Variants in KLHL1 observed in about 807,000 individuals in gnomAD.
The protein encoded by KLHL1 is kelch-like protein 1.
KLHL1 carries 47 observed loss-of-function variants against 77.7 expected under a neutral mutation model. That is an observed-to-expected ratio of 0.60 (90% CI 0.48 to 0.77). The LOEUF is 0.77. Ranked by LOEUF, KLHL1 falls within the 30% of genes least tolerant of loss-of-function variation. KLHL1 has a pLI of 0.00. For missense variants in KLHL1, 925 were observed against 910.8 expected, an observed-to-expected ratio of 1.02 and a Z score of -0.20; for synonymous variants, 360 against 325.2, an observed-to-expected ratio of 1.11 and a Z score of -1.15.
At chr13:69,926,478 T>C (rs1380609813) in intron 4 of KLHL1, among the ~76,000 whole-genome samples, 2 of 152,128 alleles carry the variant, frequency 1.3e-5, no homozygotes, top group Non-Finnish European at 2.9e-5. Context: ...ACATCTCATG[T>C]CCATAGATCA....
intron 6 of KLHL1, among the ~76,000 whole-genome samples, chr13:69,811,407 AG>A (rs113967391): frequency 6.6e-5 from 10 of 151,880 alleles, no homozygotes; most frequent in African/African-American, 2.4e-4. Flanking sequence ...AAAAAAAAAA[AG>A]CATTAGATAA....
At chr13:69,855,355 GAT>G (rs1566329794) in intron 5 of KLHL1, among the ~76,000 whole-genome samples, 212 of 144,972 alleles carry the variant, frequency 1.5e-3, no homozygotes, top group African/African-American at 4.1e-3. Flanking sequence ...TAGACAGACA[GAT>G]AGATACATAG....
At chr13:69,781,059 A>G (rs933881922) in intron 7 of KLHL1, among the ~76,000 whole-genome samples, 5 of 151,148 alleles carry the variant, frequency 3.3e-5, no homozygotes, top group African/African-American at 7.3e-5. Flanking sequence ...CTTCTAAGCA[A>G]TGAGGATGAA....
At chr13:69,709,937 C>T (rs1875802582) in intron 9 of KLHL1, among the ~76,000 whole-genome samples, 1 of 151,722 alleles carries the variant, frequency 6.6e-6, no homozygotes, top group Admixed American at 6.6e-5. Context: ...ATTTTGTCAC[C>T]ATCCTGTCAC....
intron 6 of KLHL1, among the ~76,000 whole-genome samples, chr13:69,812,096 T>C (rs548517010): frequency 6.6e-6 from 1 of 152,186 alleles, no homozygotes; most frequent in African/African-American, 2.4e-5. Flanking sequence ...GATTCTGGTA[T>C]GTTGTGTCTT....
At chr13:69,830,739 A>G (rs1380961215) in intron 6 of KLHL1, among the ~76,000 whole-genome samples, 1 of 150,190 alleles carries the variant, frequency 6.7e-6, no homozygotes, top group Admixed American at 6.7e-5. Flanking sequence ...CTGAAATTAT[A>G]TCAAGTACTC....
chr13:69,982,250 A>G (rs538109342), intron 1 of KLHL1, among the ~76,000 whole-genome samples: 10 of 151,912 alleles, frequency 6.6e-5, no homozygotes, highest in Non-Finnish European at 1.3e-4. Flanking sequence ...CCTGGGCAAC[A>G]CGGTGAAACC....
chr13:69,954,342 C>A (rs1010984966), intron 3 of KLHL1, among the ~76,000 whole-genome samples: 1 of 151,144 alleles, frequency 6.6e-6, no homozygotes, highest in Non-Finnish European at 1.5e-5. Flanking sequence ...TATAGTGAAC[C>A]TTATGATTAA....
chr13:70,051,689 C>A (rs7317329), intron 1 of KLHL1, among the ~76,000 whole-genome samples: 140,072 of 151,978 alleles, frequency 0.92, 65,416 homozygotes, highest in East Asian at 1. Flanking sequence ...GCTGCAGGAA[C>A]ATTACTAAGA....
intron 7 of KLHL1, among the ~76,000 whole-genome samples, chr13:69,795,267 T>C (rs1362561192): frequency 6.6e-6 from 1 of 152,206 alleles, no homozygotes; most frequent in Non-Finnish European, 1.5e-5. Flanking sequence ...CATCAATCTG[T>C]GTATATTTAA....
chr13:69,814,872 G>A (rs766847554), intron 6 of KLHL1, among the ~76,000 whole-genome samples: 16 of 151,976 alleles, frequency 1.1e-4, no homozygotes, highest in South Asian at 4.2e-4. Context: ...TTAGCTGGGC[G>A]TGGTGGGGTG....
intron 1 of KLHL1, among the ~76,000 whole-genome samples, chr13:70,101,166 T>C (rs1240601901): frequency 6.6e-6 from 1 of 152,124 alleles, no homozygotes; most frequent in African/African-American, 2.4e-5. Flanking sequence ...TATGTAGGCT[T>C]TCTTTATTTT....
chr13:69,781,424 A>C (rs1876202428), intron 7 of KLHL1, among the ~76,000 whole-genome samples: 1 of 151,714 alleles, frequency 6.6e-6, no homozygotes. Context: ...TAGCTTGACT[A>C]GGAAGTAAGT....
At chr13:70,102,219 T>C (rs1349520832) in intron 1 of KLHL1, among the ~76,000 whole-genome samples, 2 of 152,178 alleles carry the variant, frequency 1.3e-5, no homozygotes, top group Admixed American at 6.5e-5. Context: ...GTGTGCTCTC[T>C]TTCAGTGACA....
intron 9 of KLHL1, among the ~76,000 whole-genome samples, chr13:69,713,721 T>G (rs919096798): frequency 6.6e-6 from 1 of 152,222 alleles, no homozygotes; most frequent in African/African-American, 2.4e-5. Context: ...TTTTTCATAT[T>G]TTAGTTTATA....
Position 70,090,729 on chromosome 13 carries a change from A to G in KLHL1, c.497+16474T>C, listed in dbSNP as rs547632592. 2.6e-5 allele frequency among the ~76,000 whole-genome samples: 4 copies of G among 152,232 alleles called. No homozygotes were observed. In the South Asian group the frequency reaches 8.3e-4, roughly 32 times the overall value. On this transcript the variant is annotated intron_variant, in intron 1 of 10. Transcript: ENST00000377844. ...ATTATAAAGCAATCACATAACTACA[A>G]CTTAAGCAAACCAAGCAGATTACTG...
chr13:69,923,230 A>T (rs935194146), intron 4 of KLHL1, among the ~76,000 whole-genome samples: 1 of 152,220 alleles, frequency 6.6e-6, no homozygotes, highest in African/African-American at 2.4e-5. Context: ...ATAGTTCATT[A>T]ACGTTAAATA....
intron 1 of KLHL1, among the ~76,000 whole-genome samples, chr13:70,037,978 A>C (rs1364692645): frequency 1.3e-5 from 2 of 151,982 alleles, no homozygotes; most frequent in Non-Finnish European, 2.9e-5. Flanking sequence ...TGTGAGTACA[A>C]TTTTTCTGTA....
chr13:69,785,068 A>AT (rs1184690125), intron 7 of KLHL1, among the ~76,000 whole-genome samples: 1 of 150,098 alleles, frequency 6.7e-6, no homozygotes, highest in African/African-American at 2.5e-5. Flanking sequence ...TTTTTTTTGT[A>AT]TTTTTAGTAG....
Sources: allele counts gnomAD v4.1 joint callset (sites outside exome capture counted in the v4.1 genomes callset), GRCh38; gene constraint gnomAD v4.1.1; transcripts MANE v1.5; gene names NCBI Gene and HGNC (gene_info 2026-07-23, HGNC 2026-07-21).